PTGR1: variants seen among roughly 807,000 people sequenced by gnomAD.
The protein encoded by PTGR1 is 15-oxoprostaglandin 13-reductase.
Under a neutral mutation model 37.7 loss-of-function variants are expected in PTGR1, and 23 were observed. The observed-to-expected ratio is 0.61, with a 90% confidence interval of 0.44 to 0.86. PTGR1 has a LOEUF of 0.86. Among genes scored for constraint, PTGR1 ranks in the 40% least tolerant of loss-of-function variants. PTGR1 has a pLI of 0.00. For synonymous variants in PTGR1, 134 were observed against 140.0 expected (o/e 0.96, Z 0.30); for missense variants, 351 against 394.3 (o/e 0.89, Z 0.93).
At chr9:111,570,254 G>GCCCATGGTGAAACAAGCAGTACAGGTCA in intron 8 of PTGR1, 45 bp from the exon 9 acceptor site, 4 of 1,584,660 alleles carry the variant, frequency 2.5e-6, no homozygotes, top group Non-Finnish European at 3.4e-6. Context: ...CCAGGGAGGT[G>GCCCATGGTGAAACAAGCAGTACAGGTCA]CCCATGGTGA....
At chr9:111,558,730 C>A (rs1327729223), downstream of PTGR1, among the ~76,000 whole-genome samples, 8 of 152,052 alleles carry the variant, frequency 5.3e-5, no homozygotes, top group Non-Finnish European at 1.0e-4. Context: ...ATATGTGTGT[C>A]TATGTACATA....
intron 5 of PTGR1, 50 bp from the exon 6 acceptor site, chr9:111,583,639 A>G (rs985069708): frequency 7.0e-7 from 1 of 1,428,804 alleles, no homozygotes; most frequent in Non-Finnish European, 9.9e-7. Context: ...TCTTTCCTCT[A>G]TAACTCATTT....
At chr9:111,552,909 T>C (rs1564603931) in intron 9 of PTGR1, among the ~76,000 whole-genome samples, 1 of 152,188 alleles carries the variant, frequency 6.6e-6, no homozygotes, top group African/African-American at 2.4e-5. Flanking sequence ...TTAAGGTCTT[T>C]TCCTCATAAT....
chr9:111,574,346 T>C (rs561838319), intron 8 of PTGR1: 1 of 152,830 alleles, frequency 6.5e-6, no homozygotes, highest in South Asian at 2.1e-4. Flanking sequence ...TCTTTTGTTA[T>C]TGTTTTTGTT....
intron 9 of PTGR1, among the ~76,000 whole-genome samples, chr9:111,556,564 T>G (rs1828129384): frequency 6.6e-6 from 1 of 152,194 alleles, no homozygotes; most frequent in Non-Finnish European, 1.5e-5. Flanking sequence ...AAACCTCAAC[T>G]CTTGTCTTCT....
chr9:111,592,678 CTTT>C, intron 4 of PTGR1: 6 of 381,314 alleles, frequency 1.6e-5, no homozygotes, highest in South Asian at 1.4e-4. Flanking sequence ...TGGACAAATA[CTTT>C]TTTTTTTTTA....
At chr9:111,577,112 C>A (rs1021800592) in intron 7 of PTGR1, 5 of 151,844 alleles carry the variant, frequency 3.3e-5, no homozygotes, top group Non-Finnish European at 7.4e-5. Flanking sequence ...AATCTTACAA[C>A]CTCACAAATA....
chr9:111,567,765 A>G (rs1194091810), intron 9 of PTGR1, among the ~76,000 whole-genome samples: 1 of 152,184 alleles, frequency 6.6e-6, no homozygotes, highest in East Asian at 1.9e-4. Context: ...AATTGTCTAT[A>G]GGGATGCAAA....
In PTGR1 at chr9:111,599,081, A is replaced by T. The variant is rs1025002270; in HGVS notation, c.-11+522T>A. ...ACCGCTGGGCTTCCAAACTCGCTACAAGTCCAGAAGCCCTCCTGGAAAGGG... is the reference window on the plus strand; with the variant it reads ...ACCGCTGGGCTTCCAAACTCGCTACTAGTCCAGAAGCCCTCCTGGAAAGGG... On this transcript the variant is annotated intron_variant, in intron 1 of 9. Coordinates refer to ENST00000407693, the MANE Select transcript of PTGR1 (RefSeq NM_001146108.2). 2.0e-5 allele frequency among the ~76,000 whole-genome samples: 3 copies of T among 152,100 alleles called. No individual in the cohort carries two copies. The East Asian group carries it at 5.8e-4, about 30-fold the overall frequency.
At chr9:111,578,375 C>T (rs566714927) in intron 7 of PTGR1, among the ~76,000 whole-genome samples, 1 of 151,516 alleles carries the variant, frequency 6.6e-6, no homozygotes, top group Non-Finnish European at 1.5e-5. Flanking sequence ...CTCACCATAA[C>T]CATAGAATCA....
chr9:111,556,054 A>G (rs1828112283), intron 9 of PTGR1, among the ~76,000 whole-genome samples: 1 of 152,278 alleles, frequency 6.6e-6, no homozygotes, highest in Non-Finnish European at 1.5e-5. Flanking sequence ...GTTACTTCCA[A>G]GATAGAACAG....
intron 4 of PTGR1, among the ~76,000 whole-genome samples, chr9:111,588,398 T>C (rs531245158): frequency 4.3e-4 from 66 of 152,048 alleles, no homozygotes; most frequent in African/African-American, 1.6e-3. Context: ...TAAATATACA[T>C]GTATTTGTAT....
chr9:111,577,758 T>C (rs61216544), intron 7 of PTGR1: 15,914 of 152,158 alleles, frequency 0.1, 1,238 homozygotes, highest in African/African-American at 0.22. Context: ...GGTGGAAGGA[T>C]TGCTTGAGCG....
intron 4 of PTGR1, chr9:111,592,287 CTG>C (rs1294380491): frequency 1.3e-5 from 2 of 152,210 alleles, no homozygotes; most frequent in African/African-American, 2.4e-5. Flanking sequence ...TATGGAAAGA[CTG>C]TGTTTCTGTT....
chr9:111,594,851 CTTT>C (rs35698448), intron 2 of PTGR1, among the ~76,000 whole-genome samples: 4 of 95,696 alleles, frequency 4.2e-5, no homozygotes, highest in Admixed American at 1.3e-4. Context: ...CGACCGGCCT[CTTT>C]TTTTTTTTTT....
chr9:111,558,576 A>C, downstream of PTGR1, among the ~76,000 whole-genome samples: 1 of 152,222 alleles, frequency 6.6e-6, no homozygotes, highest in Admixed American at 6.5e-5. Flanking sequence ...CCCAGAACAA[A>C]CCATTTCTGG....
At chr9:111,566,204 AAAATAAATAAAT>A (rs370786202) in intron 9 of PTGR1, among the ~76,000 whole-genome samples, 321 of 152,090 alleles carry the variant, frequency 2.1e-3, no homozygotes, top group African/African-American at 7.4e-3. Flanking sequence ...CTCCATGTCA[AAAATAAATAAAT>A]AAATAAATAA....
intron 7 of PTGR1, chr9:111,575,433 T>A (rs1829016491): frequency 6.6e-6 from 1 of 152,230 alleles, no homozygotes; most frequent in Non-Finnish European, 1.5e-5. Flanking sequence ...TGTCTTATAA[T>A]TTAAAGGTAT....
intron 4 of PTGR1, among the ~76,000 whole-genome samples, chr9:111,588,530 A>ATT (rs879888012): frequency 8.4e-6 from 1 of 119,624 alleles, no homozygotes. Flanking sequence ...TGCCTGGCCA[A>ATT]TTTTTTTTTT....
Sources: allele counts gnomAD v4.1 joint callset (sites outside exome capture counted in the v4.1 genomes callset), GRCh38; gene constraint gnomAD v4.1.1; transcripts MANE v1.5; gene names NCBI Gene and HGNC (gene_info 2026-07-23, HGNC 2026-07-21).